UIMC1: variants seen among roughly 807,000 people sequenced by gnomAD.
UIMC1 encodes ubiquitin interaction motif containing 1, also known as BRCA1-A complex subunit RAP80.
In UIMC1, 42 loss-of-function variants were observed where a neutral mutation model predicts 84.9. The observed-to-expected ratio is 0.49, with a 90% confidence interval of 0.39 to 0.64. UIMC1 has a LOEUF of 0.64. Among genes scored for constraint, UIMC1 ranks in the 30% least tolerant of loss-of-function variants. UIMC1 has a pLI of 0.00. For missense variants in UIMC1, 825 were observed against 847.6 expected (o/e 0.97, Z 0.33); for synonymous variants, 281 against 293.0 (o/e 0.96, Z 0.42).
intron 1 of UIMC1, among the ~76,000 whole-genome samples, chr5:176,984,393 G>A (rs1220551227): frequency 6.9e-6 from 1 of 145,518 alleles, no homozygotes; most frequent in Non-Finnish European, 1.5e-5. Context: ...GAAGTGAGGA[G>A]TGCCTCTGCC....
At chr5:176,919,943 G>GC (rs1329856788) in intron 10 of UIMC1, among the ~76,000 whole-genome samples, 1 of 152,128 alleles carries the variant, frequency 6.6e-6, no homozygotes, top group Non-Finnish European at 1.5e-5. Context: ...TCTATTCTGT[G>GC]CCCCTTGTAT....
chr5:176,919,421 T>C (rs1277016167), intron 10 of UIMC1, among the ~76,000 whole-genome samples: 1 of 152,244 alleles, frequency 6.6e-6, no homozygotes, highest in Non-Finnish European at 1.5e-5. Context: ...TATCTTTTTC[T>C]TTTGTTGTTT....
intron 1 of UIMC1, among the ~76,000 whole-genome samples, chr5:177,016,155 A>G (rs1775665588): frequency 6.6e-6 from 1 of 152,072 alleles, no homozygotes; most frequent in South Asian, 2.1e-4. Flanking sequence ...ACCTGAGGAC[A>G]GGAGTTTAAG....
chr5:177,009,548 T>C (rs1188099131), upstream of UIMC1, among the ~76,000 whole-genome samples: 1 of 152,172 alleles, frequency 6.6e-6, no homozygotes, highest in African/African-American at 2.4e-5. The surrounding 1 kb of genome is among the most constrained non-coding windows in gnomAD (Gnocchi z 4.3). Flanking sequence ...TCCTAATTGA[T>C]ATAAAACTAA....
At chr5:176,983,114 G>C (rs1270050405) in intron 1 of UIMC1, among the ~76,000 whole-genome samples, 2 of 151,960 alleles carry the variant, frequency 1.3e-5, no homozygotes, top group Non-Finnish European at 2.9e-5. Flanking sequence ...GGTTACAGGA[G>C]TGAGCCACCA....
chr5:176,945,922 A>C (rs182971529), intron 9 of UIMC1, among the ~76,000 whole-genome samples: 1,634 of 152,318 alleles, frequency 0.011, 10 homozygotes, highest in South Asian at 0.025. Context: ...ATTACTGAGG[A>C]ACATACTATA....
chr5:176,983,406 T>G (rs908161501), intron 1 of UIMC1, among the ~76,000 whole-genome samples: 2 of 151,960 alleles, frequency 1.3e-5, no homozygotes, highest in African/African-American at 4.8e-5. Flanking sequence ...GACTGGTTTT[T>G]GTATTTTTGG....
At chr5:177,007,340 C>CA (rs56871601), upstream of UIMC1, among the ~76,000 whole-genome samples, 10,736 of 55,504 alleles carry the variant, frequency 0.19, 1,260 homozygotes, top group African/African-American at 0.34. Flanking sequence ...GACTCCGTCT[C>CA]AAAAAAAAAA....
chr5:177,020,798 T>A (rs1279387278), intron 1 of UIMC1, among the ~76,000 whole-genome samples: 1 of 152,238 alleles, frequency 6.6e-6, no homozygotes, highest in East Asian at 1.9e-4. Context: ...CTTCCCTGTC[T>A]TGTTCACCAC....
chr5:176,952,941 C>CGAACTT (rs1766078382), intron 8 of UIMC1, among the ~76,000 whole-genome samples: 2 of 152,152 alleles, frequency 1.3e-5, no homozygotes, highest in African/African-American at 2.4e-5. Context: ...GTGTACCCCC[C>CGAACTT]GAACTTCGTA....
chr5:176,987,911 C>T (rs1772266572), intron 1 of UIMC1, among the ~76,000 whole-genome samples: 1 of 151,946 alleles, frequency 6.6e-6, no homozygotes, highest in African/African-American at 2.4e-5. Flanking sequence ...TGGTGGATCA[C>T]TTAAGCCCAG....
chr5:176,946,755 A>G (rs1368724035), intron 9 of UIMC1, among the ~76,000 whole-genome samples: 11 of 151,908 alleles, frequency 7.2e-5, no homozygotes, highest in Admixed American at 4.6e-4. Context: ...TAATCGCTTG[A>G]ACCCAAGAGG....
At chr5:176,994,468 A>G (rs1251602985) in intron 1 of UIMC1, among the ~76,000 whole-genome samples, 1 of 151,456 alleles carries the variant, frequency 6.6e-6, no homozygotes, top group Non-Finnish European at 1.5e-5. Flanking sequence ...GCTAATGGGA[A>G]TGTAAAATGG....
At chr5:176,947,483 T>C (rs1765278446) in intron 9 of UIMC1, among the ~76,000 whole-genome samples, 1 of 152,210 alleles carries the variant, frequency 6.6e-6, no homozygotes. Flanking sequence ...CTCCTAATGC[T>C]ATCCCTCCCC....
At chr5:176,952,517 C>T (rs1766013849) in intron 8 of UIMC1, among the ~76,000 whole-genome samples, 1 of 152,208 alleles carries the variant, frequency 6.6e-6, no homozygotes, top group Non-Finnish European at 1.5e-5. Flanking sequence ...TGGAACACAG[C>T]CATGCTCATT....
chr5:176,927,206 G>GAAA (rs1220549611), intron 10 of UIMC1, among the ~76,000 whole-genome samples: 6 of 44,618 alleles, frequency 1.3e-4, no homozygotes, highest in African/African-American at 3.0e-4. Flanking sequence ...CTTTAAAAAA[G>GAAA]AAAAAAAAAA....
At chr5:176,995,516 G>C (rs1196030311) in intron 1 of UIMC1, among the ~76,000 whole-genome samples, 1 of 115,650 alleles carries the variant, frequency 8.6e-6, no homozygotes, top group Non-Finnish European at 1.6e-5. Context: ...CAGACTGGGT[G>C]ACAGAGAAAG....
intron 10 of UIMC1, among the ~76,000 whole-genome samples, chr5:176,934,059 G>C (rs1763433963): frequency 6.6e-6 from 1 of 151,968 alleles, no homozygotes; most frequent in African/African-American, 2.4e-5. Context: ...TAAACTCTCT[G>C]AGTATAAATT....
Position 176,970,871 on chromosome 5 carries a change from A to T in UIMC1, c.233-5T>A, listed in dbSNP as rs377602786. On this transcript the variant is annotated splice_region_variant and splice_polypyrimidine_tract_variant and intron_variant, in intron 3 of 14. Coordinates refer to ENST00000511320, the MANE Select transcript of UIMC1 (RefSeq NM_001199298.2). The stretch of plus-strand genomic sequence containing the variant: ...ACTGTTCTTCTTCTGTCATCTCTGT[A>T]AGAGGATAGGGAAAAGAGAAGGAGG... 1 of 1,613,424 alleles carries T rather than the reference A, an allele frequency of 6.2e-7. No individual in the cohort carries two copies. The highest frequency in any genetic ancestry group is 1.3e-5 in the African/African-American group (1 of 75,066).
Sources: gnomAD v4.1 joint callset for allele counts (sites outside exome capture counted in the v4.1 genomes callset) on GRCh38, gnomAD v4.1.1 for gene constraint, Gnocchi (gnomAD v3.1) non-coding constraint, MANE v1.5 for transcripts, NCBI Gene and HGNC (gene_info 2026-07-23, HGNC 2026-07-21) for gene names.